The following KCND2 variants were observed in gnomAD, a reference collection of about 807,000 sequenced individuals.
The protein encoded by KCND2 is potassium voltage-gated channel subfamily D member 2, also known as A-type voltage-gated potassium channel KCND2.
A neutral mutation model predicts 54.4 loss-of-function variants in KCND2; 16 were observed. The ratio of observed to expected loss-of-function variants is 0.29; its 90% confidence interval spans 0.20 to 0.45. The LOEUF is 0.45. Ranked by LOEUF, KCND2 falls within the 20% of genes least tolerant of loss-of-function variation. The probability of loss-of-function intolerance (pLI) is 1.00; values close to 1 mark genes in which losing one functional copy is unlikely to be tolerated. For missense variants in KCND2, 486 were observed against 824.2 expected (o/e 0.59, Z 5.02); for synonymous variants, 317 against 310.7 (o/e 1.02, Z -0.21).
intron 1 of KCND2, among the ~76,000 whole-genome samples, chr7:120,522,939 TACCTG>T (rs1791717555): frequency 1.3e-5 from 2 of 152,342 alleles, no homozygotes; most frequent in Non-Finnish European, 2.9e-5. Context: ...TACTTAGACA[TACCTG>T]TCTTTTGATT....
Position 120,462,719 on chromosome 7 carries a change from C to T in KCND2, c.1115+186972C>T, listed in dbSNP as rs527566025. 5.5e-4 allele frequency among the ~76,000 whole-genome samples: 83 copies of T among 151,790 alleles called. 2 individuals carry two copies. The South Asian group carries it at 0.015, about 27-fold the overall frequency. On this transcript the variant is annotated intron_variant, in intron 1 of 5. Transcript: ENST00000331113. The stretch of plus-strand genomic sequence containing the variant: ...GTGATAATAATTCCTATTTTTCATA[C>T]GCCTTACAACTCCTTTCCATGAAAA...
At chr7:120,671,535 T>A (rs1019454428) in intron 1 of KCND2, among the ~76,000 whole-genome samples, 4 of 152,064 alleles carry the variant, frequency 2.6e-5, no homozygotes, top group Non-Finnish European at 5.9e-5. Context: ...TCGCATTAAA[T>A]AAGCCAACTC....
At chr7:120,319,504 T>C (rs1799861950) in intron 1 of KCND2, among the ~76,000 whole-genome samples, 1 of 152,184 alleles carries the variant, frequency 6.6e-6, no homozygotes, top group Admixed American at 6.5e-5. Context: ...ATATTGGTTA[T>C]GAAAAGGAAG....
At chr7:120,699,402 G>T (rs1792372996) in intron 1 of KCND2, among the ~76,000 whole-genome samples, 1 of 152,120 alleles carries the variant, frequency 6.6e-6, no homozygotes, top group Non-Finnish European at 1.5e-5. Flanking sequence ...TTATTTGTAT[G>T]AGTCACTGTG....
At chr7:120,564,399 C>T (rs182589295) in intron 1 of KCND2, among the ~76,000 whole-genome samples, 2 of 152,176 alleles carry the variant, frequency 1.3e-5, no homozygotes, top group Admixed American at 1.3e-4. Flanking sequence ...AATAGTAACC[C>T]AAGAATTACT....
chr7:120,296,217 T>G (rs924039792), intron 1 of KCND2, among the ~76,000 whole-genome samples: 2 of 152,100 alleles, frequency 1.3e-5, no homozygotes, highest in Admixed American at 1.3e-4. Flanking sequence ...ATTTTAAGTG[T>G]TGTATTTCGG....
chr7:120,547,600 T>C (rs888966785), intron 1 of KCND2, among the ~76,000 whole-genome samples: 1 of 152,038 alleles, frequency 6.6e-6, no homozygotes, highest in African/African-American at 2.4e-5. Context: ...AAGGGTGATA[T>C]AGGTTTCACA....
At chr7:120,442,196 T>C (rs147938167) in intron 1 of KCND2, among the ~76,000 whole-genome samples, 67 of 152,218 alleles carry the variant, frequency 4.4e-4, no homozygotes, top group Non-Finnish European at 8.2e-4. Context: ...CATTAACAAT[T>C]AAAGAACTGA....
At chr7:120,315,527 A>G (rs1309601524) in intron 1 of KCND2, among the ~76,000 whole-genome samples, 1 of 152,090 alleles carries the variant, frequency 6.6e-6, no homozygotes, top group Non-Finnish European at 1.5e-5. Flanking sequence ...TCTCCAGTGA[A>G]TCTCGGTGTC....
chr7:120,373,672 A>G (rs1027994915), intron 1 of KCND2, among the ~76,000 whole-genome samples: 30 of 152,006 alleles, frequency 2.0e-4, no homozygotes, highest in Admixed American at 7.2e-4. Context: ...TTGAATGTAT[A>G]GACCCATGGA....
At chr7:120,320,893 T>C (rs1799885435) in intron 1 of KCND2, among the ~76,000 whole-genome samples, 1 of 152,102 alleles carries the variant, frequency 6.6e-6, no homozygotes, top group South Asian at 2.1e-4. Flanking sequence ...TGGGGGTATA[T>C]TAAGGTTAAA....
At chr7:120,538,082 T>G (rs1471506167) in intron 1 of KCND2, among the ~76,000 whole-genome samples, 1 of 152,190 alleles carries the variant, frequency 6.6e-6, no homozygotes, top group African/African-American at 2.4e-5. Flanking sequence ...CATTTCTAGC[T>G]TTTGGTTTAA....
At chr7:120,332,842 A>C in intron 1 of KCND2, among the ~76,000 whole-genome samples, 1 of 152,212 alleles carries the variant, frequency 6.6e-6, no homozygotes, top group Middle Eastern at 3.4e-3. Context: ...AATTTATATA[A>C]AGGTTTATAT....
chr7:120,688,476 C>T (rs1792231323), intron 1 of KCND2, among the ~76,000 whole-genome samples: 1 of 152,060 alleles, frequency 6.6e-6, no homozygotes, highest in Non-Finnish European at 1.5e-5. Flanking sequence ...CGAGAAGGAC[C>T]AACTTCACCC....
chr7:120,386,920 C>T (rs1038151951), intron 1 of KCND2, among the ~76,000 whole-genome samples: 3 of 152,146 alleles, frequency 2.0e-5, no homozygotes, highest in Non-Finnish European at 2.9e-5. Flanking sequence ...TCCTCACCAA[C>T]TTCAGTTCTT....
intron 1 of KCND2, among the ~76,000 whole-genome samples, chr7:120,490,058 A>G (rs1225253339): frequency 6.6e-6 from 1 of 152,154 alleles, no homozygotes; most frequent in Non-Finnish European, 1.5e-5. Context: ...AGTGGCCTGG[A>G]AGTCTGATCC....
chr7:120,666,038 G>A (rs1791922401), intron 1 of KCND2, among the ~76,000 whole-genome samples: 1 of 152,016 alleles, frequency 6.6e-6, no homozygotes, highest in East Asian at 1.9e-4. Flanking sequence ...AACTATTATT[G>A]TAGGTAAGTC....
At chr7:120,414,334 T>G (rs990723514) in intron 1 of KCND2, among the ~76,000 whole-genome samples, 2 of 152,146 alleles carry the variant, frequency 1.3e-5, no homozygotes, top group African/African-American at 4.8e-5. Flanking sequence ...TCCAAAAAAT[T>G]TTCAGTCAAC....
intron 1 of KCND2, among the ~76,000 whole-genome samples, chr7:120,465,170 A>G (rs374310954): frequency 3.0e-4 from 46 of 152,282 alleles, no homozygotes; most frequent in African/African-American, 1.1e-3. Context: ...GGGGCATGGA[A>G]ATTTATGTCA....
Sources: gnomAD v4.1 joint callset for allele counts (sites outside exome capture counted in the v4.1 genomes callset) on GRCh38, gnomAD v4.1.1 for gene constraint, MANE v1.5 for transcripts, NCBI Gene and HGNC (gene_info 2026-07-23, HGNC 2026-07-21) for gene names.